The following RNF148 variants were observed in gnomAD, a reference collection of about 807,000 sequenced individuals.
The protein encoded by RNF148 is ring finger protein 148.
A neutral mutation model predicts 21.1 loss-of-function variants in RNF148; 16 were observed. That is an observed-to-expected ratio of 0.76 (90% CI 0.51 to 1.15). RNF148 has a LOEUF of 1.15. Among genes scored for constraint, RNF148 ranks in the 50% most tolerant of loss-of-function variants. The probability of loss-of-function intolerance (pLI) is 0.00; values close to 1 mark genes in which losing one functional copy is unlikely to be tolerated. For synonymous variants in RNF148, 150 were observed against 136.4 expected, an observed-to-expected ratio of 1.10 and a Z score of -0.69; for missense variants, 424 against 374.2, an observed-to-expected ratio of 1.13 and a Z score of -1.10.
Position 122,701,797 on chromosome 7 carries a change from G to T in RNF148, c.*36C>A, listed in dbSNP as rs1327708129. On this transcript the variant is annotated 3_prime_UTR_variant, in exon 1 of 1. Transcript: ENST00000434824. ...TTTATCTAATCTTTGTATTTGGAAA[G>T]ATCTGGTTACATCTTCAGAAAATTC... The T allele has an allele frequency of 1.2e-5, 16 of 1,319,684 alleles. No homozygotes were observed. Among genetic ancestry groups the T allele is most frequent in the Non-Finnish European group, 1.4e-5 (13 of 945,904 alleles). The allele number at this position is 1,319,684 out of a possible 1,614,324, so 81.7% of individuals were successfully genotyped here.
At position 122,702,862 on chromosome 7, in the gene RNF148, A is replaced by T. The variant is rs1050359127; in HGVS notation, c.-112T>A. On this transcript the variant is annotated 5_prime_UTR_variant, in exon 1 of 1. Coordinates refer to ENST00000434824, the MANE Select transcript of RNF148 (RefSeq NM_198085.2). ...GCAGATTACTAAAGCACATAAATGG[A>T]AAAGGTCTCCCTGGATCAAAGCTAT... is the stretch of plus-strand genomic sequence containing the variant. The T allele has an allele frequency of 5.4e-6, 4 of 739,934 alleles. No individual in the cohort carries two copies. The highest frequency in any genetic ancestry group is 5.9e-5 in the Admixed American group (2 of 33,690). The allele number at this position is 739,934 out of a possible 1,614,324, so 45.8% of individuals were successfully genotyped here. A position where few individuals can be genotyped will look rare whatever the true frequency, so the allele number is the denominator to read the frequency against.
chr7:122,702,078 G>C lies in RNF148; in HGVS notation c.673C>G (p.Arg225Gly). ...PRVPNSFTRR[R>G]SQIKTDVKKA... Reference sequence around the variant, plus strand: ...TTCACATCTGTCTTTATTTGACTTCGCCTCCTGGTGAAAGAATTGGGCACT... The same window carrying C: ...TTCACATCTGTCTTTATTTGACTTCCCCTCCTGGTGAAAGAATTGGGCACT... The change falls in exon 1 of 1, where the codon CGA (arginine) becomes GGA (glycine). Residue 225 changes from arginine to glycine, a missense_variant. By Grantham distance (125) the Arg-to-Gly change is moderately radical (BLOSUM62 -2). Transcript: ENST00000434824. 1.2e-6 allele frequency: 2 copies of C among 1,613,316 alleles called. No individual in the cohort carries two copies. Among genetic ancestry groups the C allele is most frequent in the South Asian group, 2.2e-5 (2 of 91,076 alleles).
chr7:122,702,238 G>C lies in RNF148; in HGVS notation c.513C>G (p.Val171=), dbSNP rs2086248113. 1 of 1,613,800 alleles carries C rather than the reference G, an allele frequency of 6.2e-7. No individual in the cohort carries two copies. Residue 171 remains valine, a synonymous_variant, in exon 1 of 1, where the codon GTC becomes GTG. Coordinates refer to ENST00000434824, the MANE Select transcript of RNF148 (RefSeq NM_198085.2). ...CCACTTCAATGATGACTGTCACATA[G>C]ACTCCTTTCTGAATCGAGTGCAAAA... ...MEILHSIQKG[V]YVTVIIEVGR... is the part of the protein sequence containing the mutation.
In RNF148 at chr7:122,702,104, C is replaced by G. The variant is rs777129168; in HGVS notation, c.647G>C (p.Arg216Thr). The G allele has an allele frequency of 1.2e-6, 2 of 1,613,522 alleles. No homozygotes were observed. The highest frequency in any genetic ancestry group is 2.7e-5 in the African/African-American group (2 of 74,868). The change falls in exon 1 of 1, where the codon AGA becomes ACA. Residue 216 changes from arginine to threonine, a missense_variant. Transcript: ENST00000434824. ...YLDCVWRLTP[R>T]VPNSFTRRRS... ...CCTCCTGGTGAAAGAATTGGGCACT[C>G]TAGGTGTAAGTCTCCAGACGCAATC... is the stretch of plus-strand genomic sequence containing the variant.
At position 122,702,129 on chromosome 7, in the gene RNF148, C is replaced by T; in HGVS notation, c.622G>A (p.Asp208Asn). ...CTAGGTGTAAGTCTCCAGACGCAAT[C>T]TAAGTAAAAGTAGGCAATTGTGGCA... is the stretch of plus-strand genomic sequence containing the variant. ...LAATIAYFYL[D>N]CVWRLTPRVP... is the part of the protein sequence containing the mutation. The change falls in exon 1 of 1, where the codon GAT becomes AAT. Residue 208 changes from aspartate (D) to asparagine (N), a missense_variant. Coordinates refer to ENST00000434824, the MANE Select transcript of RNF148 (RefSeq NM_198085.2). 6.2e-7 allele frequency: 1 copy of T among 1,613,668 alleles called. No homozygotes were observed. Among genetic ancestry groups the T allele is most frequent in the Non-Finnish European group, 8.5e-7 (1 of 1,179,780 alleles).
chr7:122,702,579 C>T lies in RNF148; in HGVS notation c.172G>A (p.Glu58Lys), dbSNP rs747405049. Residue 58 changes from glutamate to lysine, a missense_variant, in exon 1 of 1, where the codon GAG (glutamate) becomes AAG (lysine). Transcript: ENST00000434824. ...GAATGATTCCCGAACACTCCACTCT[C>T]TCCTAATTCCGATGTGATCTCATTT... The part of the protein sequence containing the change: ...VGNEITSELG[E>K]SGVFGNHSPL... The T allele has an allele frequency of 6.2e-7, 1 of 1,613,532 alleles. No homozygotes were observed. Among genetic ancestry groups the T allele is most frequent in the African/African-American group, 1.3e-5 (1 of 74,892 alleles).
In RNF148 at chr7:122,701,807, C is replaced by T; in HGVS notation, c.*26G>A. ...CTTTGTATTTGGAAAGATCTGGTTACATCTTCAGAAAATTCTCCAGATTTC... is the reference window on the plus strand; with the variant it reads ...CTTTGTATTTGGAAAGATCTGGTTATATCTTCAGAAAATTCTCCAGATTTC... On this transcript the variant is annotated 3_prime_UTR_variant, in exon 1 of 1. Coordinates refer to ENST00000434824, the MANE Select transcript of RNF148 (RefSeq NM_198085.2). 1 of 1,415,392 alleles carries T rather than the reference C, an allele frequency of 7.1e-7. No individual in the cohort carries two copies. Among genetic ancestry groups the T allele is most frequent in the Non-Finnish European group, 9.8e-7 (1 of 1,024,438 alleles). 87.7% of individuals were successfully genotyped at this position (1,415,392 alleles called of 1,614,324 possible). A position where few individuals can be genotyped will look rare whatever the true frequency, so the allele number is the denominator to read the frequency against.
chr7:122,702,045 T>C lies in RNF148; in HGVS notation c.706A>G (p.Ile236Val), dbSNP rs1463360384. The C allele has an allele frequency of 3.7e-6, 6 of 1,613,622 alleles. No individual in the cohort carries two copies. Among genetic ancestry groups the C allele is most frequent in the East Asian group, 2.2e-5 (1 of 44,880 alleles). Residue 236 changes from isoleucine (I) to valine (V), a missense_variant, in exon 1 of 1, where the codon ATT becomes GTT. Coordinates refer to ENST00000434824, the MANE Select transcript of RNF148 (RefSeq NM_198085.2). ...AGAACTCGCAGTTGAAGCTGGTCAA[T>C]AGCTTTCTTCACATCTGTCTTTATT... ...SQIKTDVKKA[I>V]DQLQLRVLKE...
In RNF148 at chr7:122,702,556, A is replaced by G. The variant is rs2086322426; in HGVS notation, c.195T>C (p.His65=). 1 of 1,613,524 alleles carries G rather than the reference A, an allele frequency of 6.2e-7. No homozygotes were observed. Among genetic ancestry groups the G allele is most frequent in the Admixed American group, 1.7e-5 (1 of 59,934 alleles). The change falls in exon 1 of 1, where the codon CAT becomes CAC. Residue 65 remains histidine (H), a synonymous_variant. Transcript: ENST00000434824. ...CACCAGACACCCTTTCCAGAGGAGA[A>G]TGATTCCCGAACACTCCACTCTCTC... is the stretch of plus-strand genomic sequence containing the variant. ...ELGESGVFGN[H]SPLERVSGVV...
rs1436073273 is a variant in RNF148, at chr7:122,702,097, G to A, written c.654C>T (p.Pro218=). The A allele has an allele frequency of 6.2e-7, 1 of 1,613,388 alleles. No homozygotes were observed. Among genetic ancestry groups the A allele is most frequent in the African/African-American group, 1.3e-5 (1 of 74,838 alleles). The change falls in exon 1 of 1, where the codon CCC becomes CCT. Residue 218 remains proline, a synonymous_variant. Transcript: ENST00000434824. ...DCVWRLTPRV[P]NSFTRRRSQI... ...GACTTCGCCTCCTGGTGAAAGAATT[G>A]GGCACTCTAGGTGTAAGTCTCCAGA...
In RNF148 at chr7:122,702,631, A is replaced by C. The variant is rs1274698732; in HGVS notation, c.120T>G (p.Ala40=). 6.2e-7 allele frequency: 1 copy of C among 1,613,538 alleles called. No individual in the cohort carries two copies. Among genetic ancestry groups the C allele is most frequent in the South Asian group, 1.1e-5 (1 of 91,060 alleles). ...PDSNGKAIWT[A]HLNITFQVGN... ...CAACCTGAAATGTTATATTCAGGTG[A>C]GCTGTCCAAATGGCTTTTCCGTTTG... The change falls in exon 1 of 1, where the codon GCT becomes GCG. Residue 40 remains alanine, a synonymous_variant. Transcript: ENST00000434824.
In RNF148 at chr7:122,702,373, C is replaced by A; in HGVS notation, c.378G>T (p.Gly126=). ...TACCTTGATAGTTGTAGATGATCAC[C>A]CCATTTGCTCCCTTCTCTGCTGCCA... ...INVAAEKGAN[G]VIIYNYQGTG... The change falls in exon 1 of 1, where the codon GGG becomes GGT. Residue 126 remains glycine (G), a synonymous_variant. Coordinates refer to ENST00000434824, the MANE Select transcript of RNF148 (RefSeq NM_198085.2). 1 of 1,613,774 alleles carries A rather than the reference C, an allele frequency of 6.2e-7. No homozygotes were observed. Among genetic ancestry groups the A allele is most frequent in the Non-Finnish European group, 8.5e-7 (1 of 1,179,772 alleles).
In RNF148 at chr7:122,702,397, C is replaced by G; in HGVS notation, c.354G>C (p.Val118=). 2.5e-6 allele frequency: 4 copies of G among 1,613,780 alleles called. 1 individual carries two copies. In the South Asian group the frequency reaches 4.4e-5, roughly 18 times the overall value. The stretch of plus-strand genomic sequence containing the variant: ...CCCCATTTGCTCCCTTCTCTGCTGC[C>G]ACGTTGATTTTATGTGTAAAAGTAC... ...GGCTFTHKIN[V]AAEKGANGVI... The change falls in exon 1 of 1, where the codon GTG becomes GTC. Residue 118 remains valine (V), a synonymous_variant. Coordinates refer to ENST00000434824, the MANE Select transcript of RNF148 (RefSeq NM_198085.2).
rs758919787 is a variant in RNF148 at position 122,702,475 on chromosome 7, G to A, written c.276C>T (p.Phe92=). ...ATGAGTCTGCCTGTTTGGGCCTGCTGAAATTGGTCAAAGGATGACAGGCAT... is the reference window on the plus strand; with the variant it reads ...ATGAGTCTGCCTGTTTGGGCCTGCTAAAATTGGTCAAAGGATGACAGGCAT... The part of the protein sequence containing the change: ...NQNACHPLTN[F]SRPKQADSWL... Residue 92 remains phenylalanine, a synonymous_variant, in exon 1 of 1, where the codon TTC becomes TTT. Transcript: ENST00000434824. The A allele has an allele frequency of 1.2e-6, 2 of 1,613,754 alleles. No homozygotes were observed. Among genetic ancestry groups the A allele is most frequent in the East Asian group, 2.2e-5 (1 of 44,860 alleles).
Position 122,701,758 on chromosome 7 carries a change from G to C in RNF148, c.*75C>G, listed in dbSNP as rs1235168667. The C allele has an allele frequency of 2.0e-6, 2 of 1,025,470 alleles. No homozygotes were observed. The highest frequency in any genetic ancestry group is 2.4e-5 in the East Asian group (1 of 41,658). The allele number at this position is 1,025,470 out of a possible 1,614,324, so 63.5% of individuals were successfully genotyped here. ...AGCTGAAATTTTCTCTCTACATAAAGTACAATAAGACAATTTATCTAATCT... is the reference window on the plus strand; with the variant it reads ...AGCTGAAATTTTCTCTCTACATAAACTACAATAAGACAATTTATCTAATCT... On this transcript the variant is annotated 3_prime_UTR_variant, in exon 1 of 1. Coordinates refer to ENST00000434824, the MANE Select transcript of RNF148 (RefSeq NM_198085.2).
Position 122,702,534 on chromosome 7 carries a change from C to T in RNF148, c.217G>A (p.Gly73Ser), listed in dbSNP as rs1330540333. The T allele has an allele frequency of 6.2e-7, 1 of 1,613,606 alleles. No individual in the cohort carries two copies. Among genetic ancestry groups the T allele is most frequent in the Non-Finnish European group, 8.5e-7 (1 of 1,179,690 alleles). The change falls in exon 1 of 1, where the codon GGT becomes AGT. Residue 73 changes from glycine to serine, a missense_variant. Coordinates refer to ENST00000434824, the MANE Select transcript of RNF148 (RefSeq NM_198085.2). ...GNHSPLERVS[G>S]VVALPEGWNQ... ...CATCCTTCAGGAAGTGCCACCACAC[C>T]AGACACCCTTTCCAGAGGAGAATGA...
At position 122,702,648 on chromosome 7, in the gene RNF148, T is replaced by C. The variant is rs1177123898; in HGVS notation, c.103A>G (p.Lys35Glu). ...TTCAGGTGAGCTGTCCAAATGGCTT[T>C]TCCGTTTGAGTCAGGAAAGCTAAGT... is the stretch of plus-strand genomic sequence containing the variant. ...LLLSFPDSNGKAIWTAHLNIT... is the reference protein window; with the variant it reads ...LLLSFPDSNGEAIWTAHLNIT... The change falls in exon 1 of 1, where the codon AAA becomes GAA. Residue 35 changes from lysine to glutamate, a missense_variant. Coordinates refer to ENST00000434824, the MANE Select transcript of RNF148 (RefSeq NM_198085.2). 1.9e-6 allele frequency: 3 copies of C among 1,613,428 alleles called. No individual in the cohort carries two copies. Among genetic ancestry groups the C allele is most frequent in the Non-Finnish European group, 1.7e-6 (2 of 1,179,664 alleles).
rs530037531 is a variant in RNF148, at chr7:122,702,577, C to T, written c.174G>A (p.Glu58=). The T allele has an allele frequency of 1.4e-5, 22 of 1,613,626 alleles. 1 individual carries two copies. In the Admixed American group the frequency reaches 1.8e-4, roughly 13 times the overall value. The change falls in exon 1 of 1, where the codon GAG becomes GAA. Residue 58 remains glutamate, a synonymous_variant. Coordinates refer to ENST00000434824, the MANE Select transcript of RNF148 (RefSeq NM_198085.2). ...VGNEITSELG[E]SGVFGNHSPL... ...GAGAATGATTCCCGAACACTCCACT[C>T]TCTCCTAATTCCGATGTGATCTCAT...
In RNF148 at chr7:122,702,868, T is replaced by G. The variant is rs188936781; in HGVS notation, c.-118A>C. ...TACTAAAGCACATAAATGGAAAAGG[T>G]CTCCCTGGATCAAAGCTATCTTGCT... On this transcript the variant is annotated 5_prime_UTR_variant, in exon 1 of 1. Transcript: ENST00000434824. The G allele has an allele frequency of 1.4e-6, 1 of 694,584 alleles. No individual in the cohort carries two copies. The highest frequency in any genetic ancestry group is 2.4e-6 in the Non-Finnish European group (1 of 413,536). 43.0% of individuals were successfully genotyped at this position (694,584 alleles called of 1,614,324 possible).
Sources: gnomAD v4.1 joint callset for allele counts on GRCh38, gnomAD v4.1.1 for gene constraint, MANE v1.5 for transcripts, NCBI Gene and HGNC (gene_info 2026-07-23, HGNC 2026-07-21) for gene names.